VPS8: variants seen among roughly 807,000 people sequenced by gnomAD.
VPS8 encodes the protein VPS8 subunit of CORVET complex, also known as vacuolar protein sorting-associated protein 8 homolog.
VPS8 carries 129 observed loss-of-function variants against 216.4 expected under a neutral mutation model. The observed-to-expected ratio is 0.60, with a 90% CI of 0.52 to 0.69. The LOEUF (loss-of-function observed/expected upper bound fraction) is 0.69. Ranked by LOEUF, VPS8 falls within the 30% of genes least tolerant of loss-of-function variation. The pLI is 0.00. For missense variants in VPS8, 1,531 were observed against 1,683.5 expected, an observed-to-expected ratio of 0.91 and a Z score of 1.59; for synonymous variants, 571 against 565.4, an observed-to-expected ratio of 1.01 and a Z score of -0.14.
At chr3:184,920,083 G>A (rs926252971) in intron 28 of VPS8, 44 bp from the exon 29 acceptor site, 9 of 1,291,470 alleles carry the variant, frequency 7.0e-6, no homozygotes, top group African/African-American at 4.5e-5. Flanking sequence ...TCTTCTACAT[G>A]TGCAAATAAT....
chr3:185,038,559 A>C (rs368204221), intron 46 of VPS8, among the ~76,000 whole-genome samples: 2 of 152,180 alleles, frequency 1.3e-5, no homozygotes, highest in South Asian at 2.1e-4. Context: ...GTTGCATTTC[A>C]CCACTAACTC....
intron 45 of VPS8, among the ~76,000 whole-genome samples, chr3:185,003,155 CAT>C (rs1753658815): frequency 2.2e-5 from 1 of 44,962 alleles, no homozygotes; most frequent in East Asian, 7.5e-4. Context: ...TATTTTTTCT[CAT>C]TTTTTTTTTT....
chr3:184,996,182 T>A, intron 43 of VPS8, 150 bp from the exon 44 acceptor site: 1 of 920,496 alleles, frequency 1.1e-6, no homozygotes, highest in Non-Finnish European at 1.5e-6. Flanking sequence ...TGATGTTTTT[T>A]TGTTTCAACA....
intron 1 of VPS8, among the ~76,000 whole-genome samples, chr3:184,822,940 C>T (rs999727870): frequency 1.1e-4 from 16 of 152,226 alleles, no homozygotes; most frequent in Admixed American, 3.9e-4. Context: ...AAATAGAAAA[C>T]CCATTTTCTG....
chr3:184,960,624 A>G (rs1446729684), intron 37 of VPS8, among the ~76,000 whole-genome samples: 2 of 152,196 alleles, frequency 1.3e-5, no homozygotes, highest in African/African-American at 4.8e-5. Context: ...TTAGCACATC[A>G]GATAAGCTGG....
chr3:184,854,843 T>G (rs1577912953), intron 13 of VPS8, among the ~76,000 whole-genome samples: 1 of 149,278 alleles, frequency 6.7e-6, no homozygotes, highest in Admixed American at 7.1e-5. Flanking sequence ...CAGTTTTCCC[T>G]TTTTTTTCTT....
intron 1 of VPS8, among the ~76,000 whole-genome samples, chr3:184,822,107 T>C (rs528877241): frequency 6.6e-6 from 1 of 152,076 alleles, no homozygotes; most frequent in Non-Finnish European, 1.5e-5. Flanking sequence ...AGGTCACAGA[T>C]AGGAACTCAT....
At chr3:185,051,443 C>T (rs909424203) in intron 47 of VPS8, among the ~76,000 whole-genome samples, 2 of 151,994 alleles carry the variant, frequency 1.3e-5, no homozygotes, top group African/African-American at 2.4e-5. Context: ...TCATTCACCC[C>T]GAGGAGAGTG....
At chr3:185,041,044 A>G (rs34642069) in intron 46 of VPS8, among the ~76,000 whole-genome samples, 34,866 of 152,058 alleles carry the variant, frequency 0.23, 5,307 homozygotes, top group East Asian at 0.53. Flanking sequence ...CTCTACTGAA[A>G]AACACAAAAA....
chr3:184,858,880 C>T (rs1034790308), intron 14 of VPS8, among the ~76,000 whole-genome samples: 11 of 152,076 alleles, frequency 7.2e-5, no homozygotes, highest in South Asian at 2.1e-4. Context: ...GCTTTTTCTT[C>T]AGGATCACAC....
At chr3:185,018,463 A>G (rs183160074) in intron 45 of VPS8, among the ~76,000 whole-genome samples, 9 of 152,224 alleles carry the variant, frequency 5.9e-5, no homozygotes, top group Admixed American at 5.9e-4. Context: ...CCAGCTGCCA[A>G]CCCCCAAAAG....
intron 37 of VPS8, among the ~76,000 whole-genome samples, chr3:184,958,335 G>A (rs946120369): frequency 8.5e-5 from 13 of 152,104 alleles, no homozygotes; most frequent in African/African-American, 2.7e-4. Context: ...GTGTGTTTCC[G>A]ACAAAGGTAT....
At chr3:184,828,421 G>A (rs1156927041) in intron 3 of VPS8, among the ~76,000 whole-genome samples, 3 of 152,130 alleles carry the variant, frequency 2.0e-5, no homozygotes, top group Admixed American at 2.0e-4. Context: ...TTGTAGGCAT[G>A]AGCCACCATA....
chr3:184,847,686 T>G (rs1368568064), intron 8 of VPS8, among the ~76,000 whole-genome samples: 1 of 152,174 alleles, frequency 6.6e-6, no homozygotes, highest in Non-Finnish European at 1.5e-5. Context: ...AATTTTTAAT[T>G]TCATTGTTTT....
intron 47 of VPS8, 44 bp downstream of exon 47, chr3:185,048,603 A>C (rs1299077931): frequency 6.2e-7 from 1 of 1,607,110 alleles, no homozygotes; most frequent in Admixed American, 1.7e-5. Context: ...CCCTATTTAT[A>C]GTTTACTGCT....
At chr3:184,885,617 GGTTTTCTTTTTTTTGCGA>G (rs1388590127) in intron 21 of VPS8, among the ~76,000 whole-genome samples, 1 of 152,110 alleles carries the variant, frequency 6.6e-6, no homozygotes, top group Non-Finnish European at 1.5e-5. Context: ...ATTTGCTTAT[GGTTTTCTTTTTTTTGCGA>G]GTTTTCTTTA....
At chr3:184,919,942 T>C (rs1175492774) in intron 28 of VPS8, among the ~76,000 whole-genome samples, 185 bp from the exon 29 acceptor site, 2 of 152,154 alleles carry the variant, frequency 1.3e-5, no homozygotes, top group Non-Finnish European at 2.9e-5. Context: ...CAATATTAAA[T>C]GCCATAGCTT....
rs143235633 is a variant in VPS8, at chr3:184,988,596, C to G, written c.3586-5387C>G. ...CTTAAAGTCAGGGAGTGACAATCAT[C>G]CAACTTTGCTCTTCTTCATTATTGT... On this transcript the variant is annotated intron_variant, in intron 42 of 47. Transcript: ENST00000625842. Among the ~76,000 whole-genome samples, 3 of 152,310 alleles carry G rather than the reference C, an allele frequency of 2.0e-5. No homozygotes were observed. In the East Asian group the frequency reaches 5.8e-4, roughly 29 times the overall value.
intron 21 of VPS8, among the ~76,000 whole-genome samples, chr3:184,875,933 T>C (rs966420390): frequency 1.3e-5 from 2 of 151,304 alleles, no homozygotes; most frequent in Non-Finnish European, 2.9e-5. Flanking sequence ...GAGGTTGCAC[T>C]GAGCCAAGAT....
Sources: allele counts gnomAD v4.1 joint callset (sites outside exome capture counted in the v4.1 genomes callset), GRCh38; gene constraint gnomAD v4.1.1; transcripts MANE v1.5; gene names NCBI Gene and HGNC (gene_info 2026-07-23, HGNC 2026-07-21).